The following TSHR variants were observed in gnomAD, a reference collection of about 807,000 sequenced individuals.
TSHR encodes thyrotropin receptor.
In TSHR, 51 loss-of-function variants were observed where a neutral mutation model predicts 64.1. The observed-to-expected ratio is 0.80, with a 90% CI of 0.64 to 1.01. The LOEUF is 1.01. TSHR is among the 50% of genes least tolerant of loss of function. The pLI, the probability that TSHR is intolerant of heterozygous loss-of-function variation, is 0.00. For synonymous variants in TSHR, 361 were observed against 361.9 expected, an observed-to-expected ratio of 1.00 and a Z score of 0.03; for missense variants, 877 against 942.8, an observed-to-expected ratio of 0.93 and a Z score of 0.91.
At position 81,062,183 on chromosome 14, in the gene TSHR, G is replaced by C. The variant is rs775342021; in HGVS notation, c.206G>C (p.Ser69Thr). The change falls in exon 2 of 10, where the codon AGT becomes ACT. Residue 69 changes from serine to threonine, a missense_variant. Physicochemically the swap from Ser to Thr is moderately conservative, Grantham distance 58. Transcript: ENST00000298171. Reference protein sequence around the residue: ...LIETHLRTIPSHAFSNLPNIS... With the variant: ...LIETHLRTIPTHAFSNLPNIS... ...GAGACTCACCTGAGAACTATTCCAA[G>C]TCATGCATTTTCTAATCTGCCCAAT... The C allele has an allele frequency of 2.5e-6, 4 of 1,611,690 alleles. No homozygotes were observed. Among genetic ancestry groups the C allele is most frequent in the Non-Finnish European group, 3.4e-6 (4 of 1,178,782 alleles).
At chr14:80,973,058 A>T (rs904387890) in intron 1 of TSHR, among the ~76,000 whole-genome samples, 1 of 152,170 alleles carries the variant, frequency 6.6e-6, no homozygotes, top group African/African-American at 2.4e-5. Flanking sequence ...TAGCAGCCCC[A>T]TTCCATGCTG....
At chr14:81,017,558 T>G (rs1291701623) in intron 1 of TSHR, among the ~76,000 whole-genome samples, 1 of 152,120 alleles carries the variant, frequency 6.6e-6, no homozygotes, top group Non-Finnish European at 1.5e-5. Context: ...TGTGGGTCTG[T>G]TAAAAATTTA....
intron 9 of TSHR, among the ~76,000 whole-genome samples, chr14:81,142,409 G>A (rs1189386107): frequency 1.3e-5 from 2 of 151,302 alleles, no homozygotes; most frequent in African/African-American, 2.4e-5. Context: ...TTTAATCACT[G>A]TTCTTGAAGT....
Position 81,136,560 on chromosome 14 carries a change from G to A in TSHR, c.693-3119G>A, listed in dbSNP as rs74729278. ...TGAAAGGCCCTATTAAGTTGGAGAC[G>A]CCTGTGAGGCATCCAGGTGGAGATA... is the stretch of plus-strand genomic sequence containing the variant. On this transcript the variant is annotated intron_variant, in intron 8 of 9. Coordinates refer to ENST00000298171, the MANE Select transcript of TSHR (RefSeq NM_000369.5). Among the ~76,000 whole-genome samples the A allele has an allele frequency of 7.2e-5, 11 of 152,312 alleles. No homozygotes were observed. In the East Asian group the frequency reaches 1.7e-3, roughly 24 times the overall value.
chr14:80,957,103 C>T (rs1461786448), intron 1 of TSHR, among the ~76,000 whole-genome samples: 4 of 152,078 alleles, frequency 2.6e-5, no homozygotes, highest in Admixed American at 6.5e-5. Context: ...TGGCACTTCC[C>T]CAAAGGTCCC....
chr14:81,071,119 A>G (rs1245269939), intron 3 of TSHR, among the ~76,000 whole-genome samples: 2 of 152,230 alleles, frequency 1.3e-5, no homozygotes, highest in African/African-American at 2.4e-5. Context: ...TTAATAATCA[A>G]TAAGAAAAAT....
intron 8 of TSHR, among the ~76,000 whole-genome samples, chr14:81,112,899 C>T (rs1245371261): frequency 2.0e-5 from 3 of 151,998 alleles, no homozygotes; most frequent in South Asian, 2.1e-4. Flanking sequence ...GTAAAGTAAA[C>T]GGGGGAAAAA....
chr14:81,112,175 C>A (rs1890252601), intron 8 of TSHR, among the ~76,000 whole-genome samples: 1 of 152,068 alleles, frequency 6.6e-6, no homozygotes. Flanking sequence ...CTGTAAGACC[C>A]AAGTCTCAGT....
At chr14:81,028,656 A>G (rs1884197275) in intron 1 of TSHR, among the ~76,000 whole-genome samples, 1 of 152,138 alleles carries the variant, frequency 6.6e-6, no homozygotes, top group Non-Finnish European at 1.5e-5. Flanking sequence ...TGGAAATCCT[A>G]CCAGGAAATA....
At chr14:81,106,645 C>T (rs1204030547) in intron 7 of TSHR, among the ~76,000 whole-genome samples, 2 of 152,072 alleles carry the variant, frequency 1.3e-5, no homozygotes, top group African/African-American at 4.8e-5. Context: ...TTCTCAATCT[C>T]TATTTAAGAA....
At position 81,114,365 on chromosome 14, in the gene TSHR, C is replaced by T. The variant is rs575130411; in HGVS notation, c.692+5913C>T. Among the ~76,000 whole-genome samples the T allele has an allele frequency of 3.6e-3, 545 of 152,310 alleles. 3 individuals carry two copies. The highest frequency in any genetic ancestry group is 0.012 in the African/African-American group (508 of 41,572). On this transcript the variant is annotated intron_variant, in intron 8 of 9. Transcript: ENST00000298171. ...AGCAGGGCGAGGCATTGCCTCACTC[C>T]AGAAGCGCAAGCGGTCAGGGAGTTC...
chr14:81,114,487 C>T (rs1435276298), intron 8 of TSHR, among the ~76,000 whole-genome samples: 4 of 152,204 alleles, frequency 2.6e-5, no homozygotes, highest in Admixed American at 1.3e-4. Flanking sequence ...TAAAAAACGG[C>T]GCACCACGAG....
chr14:81,011,686 T>A (rs1175936218), intron 1 of TSHR, among the ~76,000 whole-genome samples: 1 of 152,120 alleles, frequency 6.6e-6, no homozygotes, highest in East Asian at 1.9e-4. Flanking sequence ...GAATAGTAAT[T>A]ATAATTTTTA....
chr14:81,105,898 G>A (rs903265488), intron 7 of TSHR, among the ~76,000 whole-genome samples: 1 of 152,060 alleles, frequency 6.6e-6, no homozygotes, highest in Non-Finnish European at 1.5e-5. Flanking sequence ...TGCAGCCCTT[G>A]TACTGAACTT....
intron 8 of TSHR, among the ~76,000 whole-genome samples, chr14:81,121,630 AG>A (rs1890795189): frequency 1.3e-5 from 2 of 152,172 alleles, no homozygotes; most frequent in South Asian, 4.1e-4. Flanking sequence ...AGACTCCAAG[AG>A]GAAGGTCTTC....
At chr14:81,069,799 C>CA (rs999013680) in intron 3 of TSHR, among the ~76,000 whole-genome samples, 22 of 151,478 alleles carry the variant, frequency 1.5e-4, no homozygotes, top group African/African-American at 5.3e-4. Context: ...GTTTGTGGGG[C>CA]AAAAAAATCA....
intron 3 of TSHR, 43 bp downstream of exon 3, chr14:81,068,371 A>G: frequency 6.3e-7 from 1 of 1,581,230 alleles, no homozygotes; most frequent in Non-Finnish European, 8.7e-7. Flanking sequence ...AGCCACAACC[A>G]CTCTTGACTG....
At chr14:81,061,563 T>C (rs1886243938) in intron 1 of TSHR, among the ~76,000 whole-genome samples, 1 of 152,056 alleles carries the variant, frequency 6.6e-6, no homozygotes, top group African/African-American at 2.4e-5. Context: ...AAATACCACA[T>C]GTTCTCACTT....
Position 81,143,279 on chromosome 14 carries a change from G to C in TSHR, c.1221G>C (p.Pro407=), listed in dbSNP as rs138471706. ...VCTPKSDEFN[P]CEDIMGYKFL... ...CCCCCAAGTCCGATGAGTTCAACCC[G>C]TGTGAAGACATAATGGGCTACAAGT... Residue 407 remains proline (P), a synonymous_variant, in exon 10 of 10, where the codon CCG becomes CCC. Coordinates refer to ENST00000298171, the MANE Select transcript of TSHR (RefSeq NM_000369.5). 5 of 1,614,048 alleles carry C rather than the reference G, an allele frequency of 3.1e-6. No individual in the cohort carries two copies. The highest frequency in any genetic ancestry group is 4.2e-6 in the Non-Finnish European group (5 of 1,180,040).
Sources: allele counts gnomAD v4.1 joint callset (sites outside exome capture counted in the v4.1 genomes callset), GRCh38; gene constraint gnomAD v4.1.1; transcripts MANE v1.5; gene names NCBI Gene and HGNC (gene_info 2026-07-23, HGNC 2026-07-21).